DNAH8: variants seen among roughly 807,000 people sequenced by gnomAD.
DNAH8 encodes axonemal beta dynein heavy chain 8.
A neutral mutation model predicts 562.1 loss-of-function variants in DNAH8; 382 were observed. The ratio of observed to expected loss-of-function variants is 0.68; its 90% CI spans 0.63 to 0.74. The LOEUF (loss-of-function observed/expected upper bound fraction) is 0.74, where lower values mean the gene tolerates loss of function less well. DNAH8 is among the 30% of genes least tolerant of loss of function. DNAH8 has a pLI of 0.00. For synonymous variants in DNAH8, 1,881 were observed against 1,919.4 expected (o/e 0.98, Z 0.52); for missense variants, 5,203 against 5,620.4 (o/e 0.93, Z 2.37).
At chr6:38,766,139 A>ATGTGTGTGTGTGTGCGTG (rs57039279) in intron 11 of DNAH8, among the ~76,000 whole-genome samples, 21 of 150,892 alleles carry the variant, frequency 1.4e-4, no homozygotes, top group East Asian at 5.8e-4. Flanking sequence ...ATGTGTTTGT[A>ATGTGTGTGTGTGTGCGTG]TGTGTGTGTG....
chr6:38,779,650 C>G (rs1342065228), intron 14 of DNAH8, among the ~76,000 whole-genome samples: 3 of 152,198 alleles, frequency 2.0e-5, no homozygotes, highest in African/African-American at 7.2e-5. Context: ...ATCTGTTTGT[C>G]ATTTTCTCAG....
intron 24 of DNAH8, among the ~76,000 whole-genome samples, chr6:38,812,749 GC>G (rs1771912231): frequency 1.3e-5 from 2 of 151,186 alleles, no homozygotes; most frequent in South Asian, 4.2e-4. Context: ...AAAAAAAAAA[GC>G]CTATTCTTAA....
In DNAH8 at chr6:38,852,823, T is replaced by G. The variant is rs9380787; in HGVS notation, c.5571+25T>G. On this transcript the variant is annotated intron_variant, in intron 40 of 92. Coordinates refer to ENST00000327475, the MANE Select transcript of DNAH8 (RefSeq NM_001206927.2). Reference sequence around the variant, plus strand: ...TGTAATTTACCTTGCTTTAAATTTTTTTATTAGAATTTCTTTAAAAACTTA... The same window carrying G: ...TGTAATTTACCTTGCTTTAAATTTTGTTATTAGAATTTCTTTAAAAACTTA... 692,293 of 1,560,186 alleles carry G rather than the reference T, an allele frequency of 0.44. 160,202 individuals are homozygous for G. The highest frequency in any genetic ancestry group is 0.82 in the East Asian group (36,640 of 44,484).
At chr6:38,880,680 A>G (rs1404246881) in intron 53 of DNAH8, among the ~76,000 whole-genome samples, 1 of 152,230 alleles carries the variant, frequency 6.6e-6, no homozygotes, top group African/African-American at 2.4e-5. Context: ...GAAAGGTGAA[A>G]AAAGCATGTG....
chr6:38,875,523 C>T (rs1777927502), intron 52 of DNAH8, 68 bp from the exon 53 acceptor site: 1 of 926,868 alleles, frequency 1.1e-6, no homozygotes. Flanking sequence ...TTTAATTTTA[C>T]TATTATTTAC....
At chr6:38,806,537 T>C (rs1771289102) in intron 23 of DNAH8, among the ~76,000 whole-genome samples, 1 of 152,136 alleles carries the variant, frequency 6.6e-6, no homozygotes, top group Non-Finnish European at 1.5e-5. Context: ...AGAGCATGAC[T>C]GAGTACCCTC....
chr6:38,768,718 T>C lies in DNAH8; in HGVS notation c.1618-1695T>C, dbSNP rs376370818. ...AATATTATCTTACTAAACTTTGTCT[T>C]ACTATATAAGATGTCTCCTTATTTA... is the stretch of plus-strand genomic sequence containing the variant. On this transcript the variant is annotated intron_variant, in intron 11 of 92. Coordinates refer to ENST00000327475, the MANE Select transcript of DNAH8 (RefSeq NM_001206927.2). Among the ~76,000 whole-genome samples, 18 of 152,364 alleles carry C rather than the reference T, an allele frequency of 1.2e-4. No homozygotes were observed. The East Asian group carries it at 1.7e-3, about 15-fold the overall frequency.
Position 38,944,790 on chromosome 6 carries a change from G to C in DNAH8, c.12008-677G>C, listed in dbSNP as rs115383767. Among the ~76,000 whole-genome samples the C allele has an allele frequency of 8.8e-3, 1,346 of 152,144 alleles. 17 individuals carry two copies. The highest frequency in any genetic ancestry group is 0.03 in the African/African-American group (1,260 of 41,508). ...GGAACATGTCAAACACCTGGAGGGC[G>C]CTCAATAAATATTTGTTCAATCAAT... On this transcript the variant is annotated intron_variant, in intron 79 of 92. Transcript: ENST00000327475.
Position 38,982,511 on chromosome 6 carries a change from C to T in DNAH8, c.12951+49C>T, listed in dbSNP as rs777944600. On this transcript the variant is annotated intron_variant, in intron 86 of 92. Transcript: ENST00000327475. ...CCTGTTTTTATTGCTCTTCTTAAAT[C>T]AGGGTTCTACAGTCATTTGAAGTCT... 10 of 976,108 alleles carry T rather than the reference C, an allele frequency of 1.0e-5. No homozygotes were observed. The South Asian group carries it at 1.3e-4, about 13-fold the overall frequency. The allele number at this position is 976,108 out of a possible 1,614,324, so 60.5% of individuals were successfully genotyped here.
rs548133588 is a variant in DNAH8, at chr6:38,891,255, T to A, written c.8583+494T>A. On this transcript the variant is annotated intron_variant, in intron 58 of 92. Coordinates refer to ENST00000327475, the MANE Select transcript of DNAH8 (RefSeq NM_001206927.2). Reference sequence around the variant, plus strand: ...TTAACAAAAATTGGCTAGATTTGCATACACAAGTCAGTGTCCTAAGTAAAG... The same window carrying A: ...TTAACAAAAATTGGCTAGATTTGCAAACACAAGTCAGTGTCCTAAGTAAAG... Among the ~76,000 whole-genome samples the A allele has an allele frequency of 1.2e-4, 19 of 152,328 alleles. 1 individual carries two copies. The South Asian group carries it at 3.9e-3, about 32-fold the overall frequency.
intron 18 of DNAH8, among the ~76,000 whole-genome samples, chr6:38,788,889 A>G (rs1440210845): frequency 6.6e-6 from 1 of 152,204 alleles, no homozygotes; most frequent in Non-Finnish European, 1.5e-5. Flanking sequence ...GTCTTCCAAC[A>G]GTTTAATAGT....
chr6:38,872,736 T>C lies in DNAH8; in HGVS notation c.7191T>C (p.Asp2397=), dbSNP rs1317025386. 2.5e-6 allele frequency: 4 copies of C among 1,614,118 alleles called. No homozygotes were observed. The Admixed American group carries it at 5.0e-5, about 20-fold the overall frequency. ...RLDTATNDWT[D]GIFSTLWRKT... ...ACACTGCTACCAATGACTGGACAGA[T>C]GGGATTTTTTCTACTCTGTGGAGAA... Residue 2397 remains aspartate, a synonymous_variant, in exon 50 of 93, where the codon GAT becomes GAC. Transcript: ENST00000327475.
intron 12 of DNAH8, 87 bp from the exon 13 acceptor site, chr6:38,775,667 T>G: frequency 1.2e-6 from 1 of 812,392 alleles, no homozygotes; most frequent in Middle Eastern, 3.8e-4. Context: ...GGTTTGTGTT[T>G]TATATCAATG....
intron 71 of DNAH8, among the ~76,000 whole-genome samples, chr6:38,921,963 A>G (rs543164809): frequency 6.6e-6 from 1 of 152,136 alleles, no homozygotes; most frequent in African/African-American, 2.4e-5. Flanking sequence ...GGGGGTCACA[A>G]GGTGCTCAGT....
chr6:38,971,594 T>C lies in DNAH8; in HGVS notation c.12454T>C (p.Cys4152Arg). ...GTGAACTTTCTCCTATGTTACAGAA[T>C]GTAGAACTATCTCAATGGGGCAAGG... is the stretch of plus-strand genomic sequence containing the variant. ...DALAKKLKLE[C>R]RTISMGQGQE... is the part of the protein sequence containing the mutation. The change falls in exon 83 of 93, where the codon TGT (cysteine) becomes CGT (arginine). Residue 4152 changes from cysteine (C) to arginine (R), a missense_variant and splice_region_variant. This residue lies in a region of DNAH8 where 1,399 missense variants were observed against 1,518.4 expected (regional missense o/e 0.92). Coordinates refer to ENST00000327475, the MANE Select transcript of DNAH8 (RefSeq NM_001206927.2). The C allele has an allele frequency of 1.3e-6, 2 of 1,577,184 alleles. No individual in the cohort carries two copies. The highest frequency in any genetic ancestry group is 1.7e-6 in the Non-Finnish European group (2 of 1,163,188).
Position 38,951,340 on chromosome 6 carries a change from G to A in DNAH8, c.12271G>A (p.Val4091Ile), listed in dbSNP as rs1761889911. ...LIRSWCPDRT[V>I]FQARKYIADS... Reference sequence around the variant, plus strand: ...TAGGTCTTGGTGCCCAGACCGTACTGTTTTTCAAGCAAGAAAGTATATTGC... The same window carrying A: ...TAGGTCTTGGTGCCCAGACCGTACTATTTTTCAAGCAAGAAAGTATATTGC... The change falls in exon 82 of 93, where the codon GTT becomes ATT. Residue 4091 changes from valine (V) to isoleucine (I), a missense_variant. By Grantham distance (29) the Val-to-Ile change is conservative (BLOSUM62 3). Transcript: ENST00000327475. 6.2e-7 allele frequency: 1 copy of A among 1,614,168 alleles called. No homozygotes were observed. Among genetic ancestry groups the A allele is most frequent in the Non-Finnish European group, 8.5e-7 (1 of 1,180,022 alleles).
At chr6:38,946,398 G>A (rs562495570) in intron 80 of DNAH8, among the ~76,000 whole-genome samples, 1 of 152,248 alleles carries the variant, frequency 6.6e-6, no homozygotes, top group East Asian at 1.9e-4. Flanking sequence ...ATTCAGCCTG[G>A]TTGGGTCTGA....
intron 91 of DNAH8, among the ~76,000 whole-genome samples, chr6:39,021,578 C>T (rs1384853050): frequency 6.6e-6 from 1 of 152,172 alleles, no homozygotes; most frequent in Non-Finnish European, 1.5e-5. Context: ...GGTTGACCAA[C>T]CCTATCTTTG....
chr6:38,886,807 T>A lies in DNAH8; in HGVS notation c.8276T>A (p.Val2759Glu). ...AAATTTCAGATAACTAATGAGATTGTGCGACAGATGATGGAAATGGAAGGA... is the reference window on the plus strand; with the variant it reads ...AAATTTCAGATAACTAATGAGATTGAGCGACAGATGATGGAAATGGAAGGA... ...EWGDQITNEI[V>E]RQMMEMEGMY... Residue 2759 changes from valine to glutamate, a missense_variant, in exon 57 of 93, where the codon GTG becomes GAG. By Grantham distance (121) the Val-to-Glu change is moderately radical. Coordinates refer to ENST00000327475, the MANE Select transcript of DNAH8 (RefSeq NM_001206927.2). 6.2e-7 allele frequency: 1 copy of A among 1,614,002 alleles called. No individual in the cohort carries two copies.
Sources: gnomAD v4.1 joint callset for allele counts (sites outside exome capture counted in the v4.1 genomes callset) on GRCh38, gnomAD v4.1.1 for gene constraint, gnomAD v4.1.1 regional missense constraint, MANE v1.5 for transcripts, NCBI Gene and HGNC (gene_info 2026-07-23, HGNC 2026-07-21) for gene names.